CEP89: variants seen among roughly 807,000 people sequenced by gnomAD.
CEP89 encodes the protein centrosomal protein of 89 kDa.
A neutral mutation model predicts 97.6 loss-of-function variants in CEP89; 95 were observed. The observed-to-expected ratio is 0.97, with a 90% CI of 0.82 to 1.15. CEP89 has a LOEUF of 1.15. Ranked by LOEUF, CEP89 falls within the 50% of genes most tolerant of loss-of-function variation. CEP89 has a pLI of 0.00. For missense variants in CEP89, 869 were observed against 947.7 expected, an observed-to-expected ratio of 0.92 and a Z score of 1.09; for synonymous variants, 354 against 349.1, an observed-to-expected ratio of 1.01 and a Z score of -0.16.
intron 6 of CEP89, among the ~76,000 whole-genome samples, chr19:32,938,254 G>A (rs541098563): frequency 5.9e-5 from 9 of 152,112 alleles, no homozygotes; most frequent in African/African-American, 1.7e-4. Context: ...GGTAGATCCC[G>A]TGAGTAGCGG....
chr19:32,915,635 T>C (rs1211598008), intron 13 of CEP89, 118 bp from the exon 14 acceptor site: 7 of 971,888 alleles, frequency 7.2e-6, no homozygotes, highest in Non-Finnish European at 1.1e-5. Flanking sequence ...TTAAAGATCT[T>C]TTGAGCCAGA....
At chr19:32,905,436 A>G (rs981586371) in intron 14 of CEP89, among the ~76,000 whole-genome samples, 1 of 151,964 alleles carries the variant, frequency 6.6e-6, no homozygotes, top group Admixed American at 6.6e-5. Flanking sequence ...TTCTTCCTTG[A>G]ATATTTGTAG....
chr19:32,902,002 C>CTGTGTGTGTGTGTGTGTGTG (rs1471468250), intron 14 of CEP89, among the ~76,000 whole-genome samples: 36 of 105,028 alleles, frequency 3.4e-4, no homozygotes, highest in African/African-American at 1.7e-3. Context: ...CTCTGTCTCT[C>CTGTGTGTGTGTGTGTGTGTG]TCTCTCTCTG....
chr19:32,915,538 A>AT, intron 13 of CEP89, 21 bp from the exon 14 acceptor site: 1 of 1,598,252 alleles, frequency 6.3e-7, no homozygotes, highest in South Asian at 1.1e-5. Flanking sequence ...AAAGAGGAAG[A>AT]TAAAAACTTG....
intron 4 of CEP89, among the ~76,000 whole-genome samples, chr19:32,950,423 T>C (rs1318481033): frequency 6.6e-6 from 1 of 152,114 alleles, no homozygotes; most frequent in Non-Finnish European, 1.5e-5. Context: ...CCAGGTGTGG[T>C]GGCACATGCC....
chr19:32,883,940 T>C (rs774224572), intron 17 of CEP89, among the ~76,000 whole-genome samples: 2 of 152,234 alleles, frequency 1.3e-5, no homozygotes, highest in Non-Finnish European at 2.9e-5. Context: ...ATAAATTTGC[T>C]GCTGTGTTAT....
At chr19:32,903,827 T>A (rs190018513) in intron 14 of CEP89, among the ~76,000 whole-genome samples, 5 of 152,244 alleles carry the variant, frequency 3.3e-5, no homozygotes, top group Non-Finnish European at 5.9e-5. Context: ...AAATACACAC[T>A]GATAGCCCCA....
At chr19:32,916,275 C>T (rs1253955987) in intron 13 of CEP89, among the ~76,000 whole-genome samples, 1 of 152,154 alleles carries the variant, frequency 6.6e-6, no homozygotes. Flanking sequence ...GAGACCTTGT[C>T]TCCAAAAACA....
chr19:32,939,920 A>G, intron 5 of CEP89, 35 bp from the exon 6 acceptor site: 3 of 1,023,286 alleles, frequency 2.9e-6, no homozygotes, highest in Non-Finnish European at 4.5e-6. Context: ...TAAACTTTTA[A>G]AGTAGATAAT....
chr19:32,905,573 G>A (rs1160783475), intron 14 of CEP89, among the ~76,000 whole-genome samples: 10 of 151,916 alleles, frequency 6.6e-5, no homozygotes, highest in Admixed American at 5.9e-4. Context: ...TTTAAGGTAA[G>A]CTTTTCAAAG....
chr19:32,889,921 C>T (rs1354563570), intron 16 of CEP89, among the ~76,000 whole-genome samples: 1 of 152,080 alleles, frequency 6.6e-6, no homozygotes, highest in Non-Finnish European at 1.5e-5. Context: ...TTAATGCTAC[C>T]ACAGAGAGTG....
intron 2 of CEP89, 83 bp downstream of exon 2, chr19:32,966,277 T>C (rs1320606513): frequency 1.6e-6 from 1 of 623,454 alleles, no homozygotes; most frequent in Non-Finnish European, 2.6e-6. Context: ...TATACTTTTC[T>C]GGGCAGTTTG....
chr19:32,884,045 TG>T (rs1969342254), intron 17 of CEP89, among the ~76,000 whole-genome samples: 1 of 151,918 alleles, frequency 6.6e-6, no homozygotes, highest in African/African-American at 2.4e-5. Context: ...TTAACAGACC[TG>T]ATCATTCTGC....
intron 4 of CEP89, among the ~76,000 whole-genome samples, chr19:32,951,532 T>TACAC (rs1227138116): frequency 0.068 from 7,592 of 111,930 alleles, 242 homozygotes; most frequent in East Asian, 0.13. Context: ...TATATATATA[T>TACAC]ATACACACAC....
chr19:32,882,670 A>G (rs1420726417), intron 17 of CEP89, among the ~76,000 whole-genome samples: 1 of 152,100 alleles, frequency 6.6e-6, no homozygotes, highest in African/African-American at 2.4e-5. Context: ...TCAACTGGTA[A>G]CCTAAGAACT....
At chr19:32,934,087 C>T (rs1396709281) in intron 7 of CEP89, among the ~76,000 whole-genome samples, 1 of 152,126 alleles carries the variant, frequency 6.6e-6, no homozygotes, top group African/African-American at 2.4e-5. Flanking sequence ...AGAGTGGGGA[C>T]ACAGAGAAAA....
rs910917353 is a variant in CEP89, at chr19:32,936,196, G to A, written c.667+1435C>T. Reference sequence around the variant, plus strand: ...TCCAGTCTTGCAGCAGGGTTGGAGCGGGGTTTAGGCCAAGCCTGGGCACTG... The same window carrying A: ...TCCAGTCTTGCAGCAGGGTTGGAGCAGGGTTTAGGCCAAGCCTGGGCACTG... On this transcript the variant is annotated intron_variant, in intron 7 of 18. Transcript: ENST00000305768. This position sits in a 1 kb window ranked among gnomAD's most constrained non-coding sequence, Gnocchi z 4.5. 8.5e-5 allele frequency among the ~76,000 whole-genome samples: 13 copies of A among 152,152 alleles called. No individual in the cohort carries two copies. Among genetic ancestry groups the A allele is most frequent in the South Asian group, 6.2e-4 (3 of 4,830 alleles).
At chr19:32,887,030 A>AC (rs749016726) in intron 17 of CEP89, among the ~76,000 whole-genome samples, 6 of 50,164 alleles carry the variant, frequency 1.2e-4, no homozygotes, top group African/African-American at 6.0e-4. Flanking sequence ...AAAAAAATAC[A>AC]AAAAAAAAAA....
chr19:32,933,737 G>C (rs1209480747), intron 7 of CEP89, 68 bp from the exon 8 acceptor site: 13 of 1,085,638 alleles, frequency 1.2e-5, no homozygotes, highest in South Asian at 2.6e-5. Context: ...AAAATCAACT[G>C]ACTTTGTTCC....
Sources: gnomAD v4.1 joint callset for allele counts (sites outside exome capture counted in the v4.1 genomes callset) on GRCh38, gnomAD v4.1.1 for gene constraint, Gnocchi (gnomAD v3.1) non-coding constraint, MANE v1.5 for transcripts, NCBI Gene and HGNC (gene_info 2026-07-23, HGNC 2026-07-21) for gene names.